ANKRD31: variants seen among roughly 807,000 people sequenced by gnomAD.
ANKRD31 encodes ankyrin repeat domain 31.
Under a neutral mutation model 186.0 loss-of-function variants are expected in ANKRD31, and 147 were observed. The observed-to-expected ratio is 0.79, with a 90% CI of 0.69 to 0.91. The LOEUF (loss-of-function observed/expected upper bound fraction) is 0.91, where lower values mean the gene tolerates loss of function less well. ANKRD31 is among the 40% of genes least tolerant of loss of function. The probability of loss-of-function intolerance (pLI) is 0.00; values close to 1 mark genes in which losing one functional copy is unlikely to be tolerated. For missense variants in ANKRD31, 1,986 were observed against 2,148.8 expected, an observed-to-expected ratio of 0.92 and a Z score of 1.50; for synonymous variants, 673 against 736.4, an observed-to-expected ratio of 0.91 and a Z score of 1.39.
intron 2 of ANKRD31, among the ~76,000 whole-genome samples, chr5:75,227,008 A>G (rs1207829284): frequency 6.6e-6 from 1 of 152,142 alleles, no homozygotes; most frequent in Non-Finnish European, 1.5e-5. Context: ...CACTATCCAC[A>G]ATAACCAAGA....
At chr5:75,228,738 G>A (rs1757782737) in intron 2 of ANKRD31, among the ~76,000 whole-genome samples, 3 of 151,828 alleles carry the variant, frequency 2.0e-5, no homozygotes, top group Non-Finnish European at 4.4e-5. Flanking sequence ...AATAACCAGC[G>A]ACATAGTAAA....
chr5:75,120,546 C>T (rs1163120855), intron 17 of ANKRD31, among the ~76,000 whole-genome samples: 1 of 152,078 alleles, frequency 6.6e-6, no homozygotes, highest in African/African-American at 2.4e-5. Flanking sequence ...AATCTTTCTG[C>T]TTGTGTCCAA....
Position 75,236,649 on chromosome 5 carries a change from T to C in ANKRD31, c.38A>G (p.Asp13Gly). The C allele has an allele frequency of 6.5e-7, 1 of 1,537,214 alleles. No individual in the cohort carries two copies. The highest frequency in any genetic ancestry group is 8.7e-7 in the Non-Finnish European group (1 of 1,146,792). Residue 13 changes from aspartate (D) to glycine (G), a missense_variant, in exon 1 of 26, where the codon GAT (aspartate) becomes GGT (glycine). Coordinates refer to ENST00000506364, the MANE Select transcript of ANKRD31 (RefSeq NM_001372053.1). Reference protein sequence around the residue: ...EGVQAPDWDSDETVIEGSVTE... With the variant: ...EGVQAPDWDSGETVIEGSVTE... ...CACTGAACCCTCTATCACAGTTTCA[T>C]CACTGTCCCAGTCTGGGGCCTGGAC...
chr5:75,114,805 T>C (rs894200567), intron 19 of ANKRD31, among the ~76,000 whole-genome samples: 2 of 152,056 alleles, frequency 1.3e-5, no homozygotes, highest in African/African-American at 4.8e-5. Context: ...ATAGGAAGAA[T>C]CAATATTGTG....
chr5:75,208,954 T>G (rs529183402), intron 4 of ANKRD31, among the ~76,000 whole-genome samples: 1 of 152,348 alleles, frequency 6.6e-6, no homozygotes, highest in South Asian at 2.1e-4. Context: ...TGCATTTTTA[T>G]TCTATAAATC....
chr5:75,095,396 C>T (rs1746239978), intron 22 of ANKRD31, among the ~76,000 whole-genome samples: 3 of 152,216 alleles, frequency 2.0e-5, no homozygotes, highest in African/African-American at 7.2e-5. Context: ...ATGGCATGAA[C>T]CCGGCAGGCA....
At chr5:75,137,755 G>A (rs1221875984) in intron 17 of ANKRD31, 101 bp downstream of exon 17, 1 of 1,134,552 alleles carries the variant, frequency 8.8e-7, no homozygotes, top group African/African-American at 1.6e-5. Flanking sequence ...AAAATCACTT[G>A]TTTTACTGAA....
intron 17 of ANKRD31, among the ~76,000 whole-genome samples, chr5:75,131,909 G>T (rs1397957709): frequency 1.3e-5 from 2 of 152,160 alleles, no homozygotes; most frequent in Admixed American, 1.3e-4. Flanking sequence ...GGTCTGGAGT[G>T]GAACTCCAGC....
intron 25 of ANKRD31, 34 bp from the exon 26 acceptor site, chr5:75,068,698 C>T: frequency 6.9e-7 from 1 of 1,454,624 alleles, no homozygotes; most frequent in Non-Finnish European, 9.0e-7. Context: ...TTAAAAACTG[C>T]CCTCTGAAAT....
At chr5:75,123,093 G>A (rs1183877693) in intron 17 of ANKRD31, among the ~76,000 whole-genome samples, 1 of 152,074 alleles carries the variant, frequency 6.6e-6, no homozygotes, top group African/African-American at 2.4e-5. Context: ...TGAGTAAGCA[G>A]TAAGATTTCA....
chr5:75,073,570 GC>G (rs1477613327), intron 25 of ANKRD31, among the ~76,000 whole-genome samples: 9 of 152,308 alleles, frequency 5.9e-5, no homozygotes, highest in African/African-American at 2.2e-4. Flanking sequence ...GGAAAACAGT[GC>G]TTTCTTATGG....
chr5:75,070,761 C>T (rs1744160308), intron 25 of ANKRD31, among the ~76,000 whole-genome samples: 1 of 152,150 alleles, frequency 6.6e-6, no homozygotes, highest in African/African-American at 2.4e-5. Flanking sequence ...TACTTAGCAT[C>T]CATTAAAGTT....
intron 4 of ANKRD31, among the ~76,000 whole-genome samples, chr5:75,210,257 T>C (rs988540802): frequency 6.6e-6 from 1 of 152,188 alleles, no homozygotes; most frequent in Non-Finnish European, 1.5e-5. Flanking sequence ...CATTGCAACC[T>C]CCGCTTCCCA....
At chr5:75,137,540 C>A (rs1402697269) in intron 17 of ANKRD31, among the ~76,000 whole-genome samples, 1 of 152,088 alleles carries the variant, frequency 6.6e-6, no homozygotes, top group Non-Finnish European at 1.5e-5. Context: ...TATAATTAGA[C>A]TCTTCTGTGC....
At position 75,154,298 on chromosome 5, in the gene ANKRD31, A is replaced by G; in HGVS notation, c.1755T>C (p.Asn585=). The G allele has an allele frequency of 2.3e-5, 36 of 1,536,024 alleles. No individual in the cohort carries two copies. Among genetic ancestry groups the G allele is most frequent in the Non-Finnish European group, 3.1e-5 (36 of 1,146,184 alleles). ...LLNGADPLFR[N]DDGKCALDEA... ...CATCCAAAGCACATTTTCCATCATCATTTCTAAATAATGGATCAGCTCCAT... is the reference window on the plus strand; with the variant it reads ...CATCCAAAGCACATTTTCCATCATCGTTTCTAAATAATGGATCAGCTCCAT... Residue 585 remains asparagine, a synonymous_variant, in exon 12 of 26, where the codon AAT becomes AAC. Coordinates refer to ENST00000506364, the MANE Select transcript of ANKRD31 (RefSeq NM_001372053.1).
At position 75,168,974 on chromosome 5, in the gene ANKRD31, A is replaced by C; in HGVS notation, c.1707+5T>G. On this transcript the variant is annotated splice_donor_5th_base_variant and intron_variant, in intron 11 of 25. Transcript: ENST00000506364. ...TTTGTTCTGCAAATAAAAGCATCAC[A>C]GTACCTTATAATGTCCATTCATCAC... 3.3e-6 allele frequency: 5 copies of C among 1,532,674 alleles called. No homozygotes were observed. Among genetic ancestry groups the C allele is most frequent in the Non-Finnish European group, 4.4e-6 (5 of 1,143,802 alleles). The allele number at this position is 1,532,674 out of a possible 1,614,324, so 94.9% of individuals were successfully genotyped here.
At chr5:75,156,991 T>G (rs1311597760) in intron 11 of ANKRD31, among the ~76,000 whole-genome samples, 1 of 152,184 alleles carries the variant, frequency 6.6e-6, no homozygotes. Context: ...TGGGGTGCTA[T>G]TGTAACAAAT....
At chr5:75,129,805 C>T (rs772433434) in intron 17 of ANKRD31, among the ~76,000 whole-genome samples, 7 of 152,260 alleles carry the variant, frequency 4.6e-5, no homozygotes, top group Admixed American at 6.5e-5. Flanking sequence ...GTGCAGCCCA[C>T]GGAGTGTGAG....
chr5:75,193,279 C>T (rs1397306488), intron 8 of ANKRD31, 32 bp downstream of exon 8: 3 of 1,526,518 alleles, frequency 2.0e-6, no homozygotes, highest in East Asian at 4.9e-5. Flanking sequence ...CTATAGCATA[C>T]CTGGAGATAA....
Sources: allele counts gnomAD v4.1 joint callset (sites outside exome capture counted in the v4.1 genomes callset), GRCh38; gene constraint gnomAD v4.1.1; transcripts MANE v1.5; gene names NCBI Gene and HGNC (gene_info 2026-07-23, HGNC 2026-07-21).